OSTN: variants seen among roughly 807,000 people sequenced by gnomAD.
The protein encoded by OSTN is osteocrin.
A neutral mutation model predicts 12.0 loss-of-function variants in OSTN; 9 were observed. The ratio of observed to expected loss-of-function variants is 0.75; its 90% CI spans 0.45 to 1.30. The LOEUF (loss-of-function observed/expected upper bound fraction) is 1.30, where lower values mean the gene tolerates loss of function less well. OSTN is among the 50% of genes most tolerant of loss of function. OSTN has a pLI of 0.00. For missense variants in OSTN, 148 were observed against 152.3 expected (o/e 0.97, Z 0.15); for synonymous variants, 59 against 56.9 (o/e 1.04, Z -0.16).
intron 3 of OSTN, among the ~76,000 whole-genome samples, chr3:191,235,097 A>G (rs946068149): frequency 5.3e-5 from 8 of 152,162 alleles, no homozygotes; most frequent in Non-Finnish European, 1.2e-4. Flanking sequence ...ATCAGAAAAA[A>G]CAGCTTTTCC....
intron 1 of OSTN, among the ~76,000 whole-genome samples, chr3:191,204,633 T>A (rs959979818): frequency 2.6e-5 from 4 of 152,204 alleles, no homozygotes; most frequent in Non-Finnish European, 4.4e-5. Context: ...GGTCCCAATC[T>A]TTGCTTTCCA....
chr3:191,230,994 C>G (rs1273775969), intron 3 of OSTN, among the ~76,000 whole-genome samples: 1 of 152,136 alleles, frequency 6.6e-6, no homozygotes, highest in East Asian at 1.9e-4. Context: ...TTGAGAATCC[C>G]TCCGAATGCA....
intron 3 of OSTN, among the ~76,000 whole-genome samples, chr3:191,242,149 A>C (rs952008767): frequency 6.6e-6 from 1 of 152,234 alleles, no homozygotes; most frequent in African/African-American, 2.4e-5. Context: ...CATTCAATAA[A>C]GCTAAACCCC....
intron 1 of OSTN, among the ~76,000 whole-genome samples, chr3:191,205,864 T>G (rs1369131199): frequency 6.6e-6 from 1 of 151,778 alleles, no homozygotes; most frequent in African/African-American, 2.4e-5. Flanking sequence ...TTATGCATGA[T>G]AGGAAAAAAA....
intron 3 of OSTN, among the ~76,000 whole-genome samples, chr3:191,232,594 A>T (rs1484443897): frequency 1.4e-5 from 2 of 140,594 alleles, no homozygotes; most frequent in Non-Finnish European, 3.1e-5. Flanking sequence ...AAGGGCAGTG[A>T]CTAAATCATT....
chr3:191,206,841 T>G (rs554764834), intron 1 of OSTN, among the ~76,000 whole-genome samples: 1 of 152,326 alleles, frequency 6.6e-6, no homozygotes, highest in East Asian at 1.9e-4. Context: ...GATAAAAAAT[T>G]ATTGTCACTC....
intron 3 of OSTN, among the ~76,000 whole-genome samples, chr3:191,245,787 C>T (rs140460061): frequency 2.6e-3 from 389 of 152,078 alleles, no homozygotes; most frequent in South Asian, 0.013. Context: ...TAAAAGAGGC[C>T]GGGCACAGTG....
intron 3 of OSTN, among the ~76,000 whole-genome samples, chr3:191,227,957 C>T (rs1576929962): frequency 1.3e-5 from 2 of 152,040 alleles, no homozygotes; most frequent in South Asian, 2.1e-4. Context: ...TGCCACGAAT[C>T]CCCTTTCTTA....
chr3:191,211,939 ATT>A (rs1576923327), intron 1 of OSTN, among the ~76,000 whole-genome samples: 1 of 151,958 alleles, frequency 6.6e-6, no homozygotes, highest in East Asian at 1.9e-4. Flanking sequence ...CCATTAAGTA[ATT>A]TGTCTTTTTT....
intron 3 of OSTN, among the ~76,000 whole-genome samples, chr3:191,249,780 G>A (rs1715518906): frequency 6.6e-6 from 1 of 152,136 alleles, no homozygotes; most frequent in Admixed American, 6.6e-5. Context: ...TTTTGGTTTG[G>A]TCTATTTGAA....
rs545769807 is a variant in OSTN, at chr3:191,247,555, C to T, written c.318-2482C>T. ...GAGCCAACCTAGAAAGGAAGATGGA[C>T]GTAAATCAGCAGAAAAGAAGGTTGA... On this transcript the variant is annotated intron_variant, in intron 3 of 4. Transcript: ENST00000682035. Among the ~76,000 whole-genome samples, 13 of 152,060 alleles carry T rather than the reference C, an allele frequency of 8.5e-5. No individual in the cohort carries two copies. The South Asian group carries it at 2.3e-3, about 27-fold the overall frequency.
At chr3:191,259,525 C>G (rs1427377944) in intron 4 of OSTN, among the ~76,000 whole-genome samples, 1 of 151,356 alleles carries the variant, frequency 6.6e-6, no homozygotes, top group East Asian at 1.9e-4. Flanking sequence ...AAAATACACT[C>G]CCTGGTAAAA....
intron 3 of OSTN, among the ~76,000 whole-genome samples, chr3:191,228,353 C>A (rs1372349127): frequency 6.6e-6 from 1 of 152,120 alleles, no homozygotes; most frequent in African/African-American, 2.4e-5. Flanking sequence ...TTTCAATGGG[C>A]ATTTGGCATT....
intron 4 of OSTN, among the ~76,000 whole-genome samples, chr3:191,256,136 T>A (rs566755360): frequency 3.1e-4 from 47 of 152,178 alleles, no homozygotes; most frequent in African/African-American, 1.1e-3. Flanking sequence ...TTCTATAGCA[T>A]ATAACAATTT....
intron 3 of OSTN, among the ~76,000 whole-genome samples, chr3:191,249,628 C>T (rs1452765826): frequency 6.6e-6 from 1 of 152,114 alleles, no homozygotes; most frequent in Non-Finnish European, 1.5e-5. Flanking sequence ...TTTAGATGAG[C>T]CATTCTGAAG....
chr3:191,242,066 AC>A (rs1219296372), intron 3 of OSTN, among the ~76,000 whole-genome samples: 1 of 152,240 alleles, frequency 6.6e-6, no homozygotes, highest in Non-Finnish European at 1.5e-5. Flanking sequence ...AGCTTAATTT[AC>A]TTTGAAAATC....
At chr3:191,252,764 A>C (rs1010092208) in intron 4 of OSTN, among the ~76,000 whole-genome samples, 1 of 152,202 alleles carries the variant, frequency 6.6e-6, no homozygotes, top group Non-Finnish European at 1.5e-5. Context: ...ATGAGATGAT[A>C]ATATATTTCT....
At position 191,218,895 on chromosome 3, in the gene OSTN, T is replaced by A. The variant is rs768666020; in HGVS notation, c.251T>A (p.Phe84Tyr). 1.2e-6 allele frequency: 2 copies of A among 1,614,108 alleles called. No individual in the cohort carries two copies. The highest frequency in any genetic ancestry group is 2.2e-5 in the East Asian group (1 of 44,880). ...ATTGAGACAAAGAAGAAAAGGAGTT[T>A]CTCTGGTTTTGGGTCTCCCCTTGAC... Reference protein sequence around the residue: ...DVIETKKKRSFSGFGSPLDRL... With the variant: ...DVIETKKKRSYSGFGSPLDRL... Residue 84 changes from phenylalanine (F) to tyrosine (Y), a missense_variant, in exon 3 of 5, where the codon TTC becomes TAC. By Grantham distance (22) the Phe-to-Tyr change is conservative (BLOSUM62 3). Coordinates refer to ENST00000682035, the MANE Select transcript of OSTN (RefSeq NM_198184.2).
intron 3 of OSTN, among the ~76,000 whole-genome samples, chr3:191,241,167 CTTTTTTTTTTTTTTTTTT>C (rs575332839): frequency 2.2e-5 from 1 of 46,444 alleles, no homozygotes; most frequent in African/African-American, 5.3e-5. Flanking sequence ...TGTGCCTTGA[CTTTTTTTTTTTTTTTTTT>C]TTTTTTTTTT....
Sources: gnomAD v4.1 joint callset for allele counts (sites outside exome capture counted in the v4.1 genomes callset) on GRCh38, gnomAD v4.1.1 for gene constraint, MANE v1.5 for transcripts, NCBI Gene and HGNC (gene_info 2026-07-23, HGNC 2026-07-21) for gene names.